NOD2: variants seen among roughly 807,000 people sequenced by gnomAD.
NOD2 encodes nucleotide-binding oligomerization domain-containing protein 2.
NOD2 carries 86 observed loss-of-function variants against 90.9 expected under a neutral mutation model. The ratio of observed to expected loss-of-function variants is 0.95; its 90% CI spans 0.79 to 1.13. The LOEUF (loss-of-function observed/expected upper bound fraction) is 1.13. Ranked by LOEUF, NOD2 falls within the 50% of genes most tolerant of loss-of-function variation. The pLI, the probability that NOD2 is intolerant of heterozygous loss-of-function variation, is 0.00. For synonymous variants in NOD2, 581 were observed against 554.6 expected, an observed-to-expected ratio of 1.05 and a Z score of -0.67; for missense variants, 1,238 against 1,283.8, an observed-to-expected ratio of 0.96 and a Z score of 0.55.
intron 6 of NOD2, among the ~76,000 whole-genome samples, chr16:50,718,694 G>A (rs1330388912): frequency 6.6e-6 from 1 of 152,198 alleles, no homozygotes; most frequent in Admixed American, 6.5e-5. Flanking sequence ...GTAGAATGGA[G>A]GTAATAACCC....
chr16:50,718,935 G>A (rs1964919039), intron 6 of NOD2, among the ~76,000 whole-genome samples: 1 of 152,202 alleles, frequency 6.6e-6, no homozygotes. Context: ...AGGGAGCTGG[G>A]GGAGGCTGGG....
Position 50,711,663 on chromosome 16 carries a change from C to T in NOD2, c.1671C>T (p.Phe557=), listed in dbSNP as rs538438330. ...QVSPDDISLG[F]LVRAKGVVPG... ...GCCCTGATGACATTTCTCTTGGCTT[C>T]CTGGTGCGTGCCAAAGGTGTCGTGC... Residue 557 remains phenylalanine, a synonymous_variant, in exon 4 of 12, where the codon TTC becomes TTT. Transcript: ENST00000647318. The T allele has an allele frequency of 1.1e-5, 18 of 1,613,358 alleles. No homozygotes were observed. Among genetic ancestry groups the T allele is most frequent in the East Asian group, 4.5e-5 (2 of 44,886 alleles).
At chr16:50,715,724 CTT>C (rs1329544401) in intron 4 of NOD2, 1 of 152,228 alleles carries the variant, frequency 6.6e-6, no homozygotes, top group African/African-American at 2.4e-5. Flanking sequence ...CCTGTTCCCT[CTT>C]TTATAGATGA....
In NOD2 at chr16:50,710,805, G is replaced by A. The variant is rs747340360; in HGVS notation, c.813G>A (p.Val271=). The part of the protein sequence containing the change: ...LNDDADTVLV[V]GEAGSGKSTL... Reference sequence around the variant, plus strand: ...ACGATGCGGACACTGTGCTGGTGGTGGGTGAGGCGGGCAGTGGCAAGAGCA... The same window carrying A: ...ACGATGCGGACACTGTGCTGGTGGTAGGTGAGGCGGGCAGTGGCAAGAGCA... The change falls in exon 4 of 12, where the codon GTG becomes GTA. Residue 271 remains valine (V), a synonymous_variant. Coordinates refer to ENST00000647318, the MANE Select transcript of NOD2 (RefSeq NM_001370466.1). The A allele has an allele frequency of 2.5e-6, 4 of 1,614,108 alleles. No homozygotes were observed. In the South Asian group the frequency reaches 4.4e-5, roughly 18 times the overall value.
At chr16:50,696,015 G>A (rs1484288602) in intron 1 of NOD2, among the ~76,000 whole-genome samples, 1 of 151,834 alleles carries the variant, frequency 6.6e-6, no homozygotes, top group Non-Finnish European at 1.5e-5. Flanking sequence ...AGAGTGCATT[G>A]TGCACTGGTG....
At chr16:50,705,779 C>T (rs1420012855) in intron 2 of NOD2, among the ~76,000 whole-genome samples, 2 of 152,102 alleles carry the variant, frequency 1.3e-5, no homozygotes, top group Admixed American at 1.3e-4. Flanking sequence ...TCTCCTCAGT[C>T]CGTTACTATT....
intron 3 of NOD2, among the ~76,000 whole-genome samples, chr16:50,709,026 T>C (rs1170090590): frequency 6.6e-6 from 1 of 152,232 alleles, no homozygotes; most frequent in African/African-American, 2.4e-5. Context: ...ACAATTGGTG[T>C]GTTTATTTCT....
At chr16:50,710,038 G>A (rs1320302323) in intron 3 of NOD2, 2 of 455,868 alleles carry the variant, frequency 4.4e-6, no homozygotes, top group Non-Finnish European at 8.8e-6. Flanking sequence ...TTCAGAGACT[G>A]GGCTCCTGAG....
chr16:50,715,404 A>C (rs77920611), intron 4 of NOD2, among the ~76,000 whole-genome samples: 1 of 149,228 alleles, frequency 6.7e-6, no homozygotes, highest in Admixed American at 6.7e-5. Flanking sequence ...TGAGGCTGAT[A>C]ATACTATTGT....
intron 4 of NOD2, chr16:50,713,639 C>T (rs1031139838): frequency 7.0e-6 from 1 of 143,126 alleles, no homozygotes; most frequent in Non-Finnish European, 1.5e-5. Context: ...AAGCCATGGG[C>T]AGGAGTTAGG....
At chr16:50,710,537 G>C (rs762314189) in intron 3 of NOD2, 21 bp from the exon 4 acceptor site, 4 of 1,614,036 alleles carry the variant, frequency 2.5e-6, no homozygotes, top group Non-Finnish European at 3.4e-6. Flanking sequence ...ACCTTCATCT[G>C]CCTCTTCTTC....
intron 2 of NOD2, among the ~76,000 whole-genome samples, chr16:50,707,262 G>C (rs1964238610): frequency 6.6e-6 from 1 of 152,216 alleles, no homozygotes; most frequent in Admixed American, 6.5e-5. Context: ...CTTCAAGGGT[G>C]ACTCCAAGAC....
intron 4 of NOD2, among the ~76,000 whole-genome samples, chr16:50,715,110 G>A (rs1160850879): frequency 6.6e-6 from 1 of 152,226 alleles, no homozygotes; most frequent in African/African-American, 2.4e-5. Flanking sequence ...TGAGGGAGAA[G>A]CTGCACAATG....
Position 50,711,355 on chromosome 16 carries a change from T to C in NOD2, c.1363T>C (p.Leu455=), listed in dbSNP as rs1388645396. The change falls in exon 4 of 12, where the codon TTG becomes CTG. Residue 455 remains leucine, a synonymous_variant. Transcript: ENST00000647318. ...CCAAGAGACCTCAGCCCTGCACGGT[T>C]TGTGCCACCTGCCTGTCTTCTCATG... ...LLQETSALHG[L]CHLPVFSWMV... is the part of the protein sequence containing the mutation. 2 of 1,613,616 alleles carry C rather than the reference T, an allele frequency of 1.2e-6. No individual in the cohort carries two copies. Among genetic ancestry groups the C allele is most frequent in the Non-Finnish European group, 8.5e-7 (1 of 1,180,030 alleles).
intron 9 of NOD2, 46 bp from the exon 10 acceptor site, chr16:50,725,443 A>G (rs1461726901): frequency 2.7e-6 from 4 of 1,463,636 alleles, no homozygotes; most frequent in East Asian, 2.3e-5. Context: ...ATCATCTTCC[A>G]TAATCAATGT....
chr16:50,725,714 C>A, intron 10 of NOD2, 142 bp downstream of exon 10: 1 of 715,520 alleles, frequency 1.4e-6, no homozygotes, highest in Non-Finnish European at 2.6e-6. Context: ...TCTAGGTGGA[C>A]AAGGATTCCA....
intron 1 of NOD2, among the ~76,000 whole-genome samples, chr16:50,694,497 T>A (rs1249398805): frequency 6.6e-6 from 1 of 152,184 alleles, no homozygotes; most frequent in Non-Finnish European, 1.5e-5. Context: ...TTTGCCTCGC[T>A]GCACCCTGGG....
chr16:50,704,425 T>A (rs186364089), intron 2 of NOD2, among the ~76,000 whole-genome samples: 167 of 152,356 alleles, frequency 1.1e-3, no homozygotes, highest in Non-Finnish European at 1.7e-3. Context: ...GGATTGATAG[T>A]TTGGCTGGGT....
At position 50,697,304 on chromosome 16, in the gene NOD2, G is replaced by A. The variant is rs771671839; in HGVS notation, c.-8-2184G>A. ...GGAGGAAAGAGCAAGTGTCCTCCTCGGACATTCTCCGGGTAAGAGGAGCAG... is the reference window on the plus strand; with the variant it reads ...GGAGGAAAGAGCAAGTGTCCTCCTCAGACATTCTCCGGGTAAGAGGAGCAG... On this transcript the variant is annotated intron_variant, in intron 1 of 11. Coordinates refer to ENST00000647318, the MANE Select transcript of NOD2 (RefSeq NM_001370466.1). 4 of 1,558,198 alleles carry A rather than the reference G, an allele frequency of 2.6e-6. No homozygotes were observed. The highest frequency in any genetic ancestry group is 2.4e-5 in the East Asian group (1 of 41,536).
Sources: gnomAD v4.1 joint callset for allele counts (sites outside exome capture counted in the v4.1 genomes callset) on GRCh38, gnomAD v4.1.1 for gene constraint, MANE v1.5 for transcripts, NCBI Gene and HGNC (gene_info 2026-07-23, HGNC 2026-07-21) for gene names.